SEMA7A: variants seen among roughly 807,000 people sequenced by gnomAD.
SEMA7A encodes the protein semaphorin 7A (JohnMiltonHagen blood group), also known as semaphorin-7A.
In SEMA7A, 21 loss-of-function variants were observed where a neutral mutation model predicts 67.5. That is an observed-to-expected ratio of 0.31 (90% CI 0.22 to 0.45). The LOEUF is 0.45. SEMA7A is among the 20% of genes least tolerant of loss of function. The pLI, the probability that SEMA7A is intolerant of heterozygous loss-of-function variation, is 1.00. For missense variants in SEMA7A, 774 were observed against 908.6 expected (o/e 0.85, Z 1.90); for synonymous variants, 364 against 368.5 (o/e 0.99, Z 0.14).
chr15:74,419,630 G>A (rs1436284795), intron 1 of SEMA7A, among the ~76,000 whole-genome samples: 3 of 152,184 alleles, frequency 2.0e-5, no homozygotes, highest in Admixed American at 6.5e-5. Context: ...AAGGGCACAC[G>A]GAAGCAGGTC....
rs767182010 is a variant in SEMA7A, at chr15:74,418,379, G to A, written c.331-70C>T. On this transcript the variant is annotated intron_variant, in intron 2 of 13. Coordinates refer to ENST00000261918, the MANE Select transcript of SEMA7A (RefSeq NM_003612.5). Reference sequence around the variant, plus strand: ...GTACCCCTGAAATGCTTTCCACACAGCCTCAGGATAAGCCCCAAAGGAAGC... The same window carrying A: ...GTACCCCTGAAATGCTTTCCACACAACCTCAGGATAAGCCCCAAAGGAAGC... 2.0e-6 allele frequency: 3 copies of A among 1,473,938 alleles called. 1 individual carries two copies. The highest frequency in any genetic ancestry group is 1.8e-5 in the Admixed American group (1 of 54,746). The allele number at this position is 1,473,938 out of a possible 1,614,324, so 91.3% of individuals were successfully genotyped here.
intron 1 of SEMA7A, among the ~76,000 whole-genome samples, chr15:74,426,668 C>T (rs28362884): frequency 0.097 from 14,815 of 152,040 alleles, 1,664 homozygotes; most frequent in African/African-American, 0.28. Context: ...CCCAGCACTT[C>T]GGGAGACCAA....
intron 1 of SEMA7A, 95 bp downstream of exon 1, chr15:74,433,646 C>A: frequency 7.6e-7 from 1 of 1,309,000 alleles, no homozygotes; most frequent in Non-Finnish European, 9.7e-7. Context: ...ACCCGCAGAG[C>A]TGCGCGCACG....
intron 3 of SEMA7A, 71 bp downstream of exon 3, chr15:74,418,197 C>T (rs1439854557): frequency 4.0e-6 from 6 of 1,483,342 alleles, no homozygotes; most frequent in East Asian, 2.3e-5. Flanking sequence ...TGCTTCCTTC[C>T]TTAGACCCTC....
chr15:74,424,884 T>C (rs1307675912), intron 1 of SEMA7A, among the ~76,000 whole-genome samples: 1 of 152,224 alleles, frequency 6.6e-6, no homozygotes, highest in Non-Finnish European at 1.5e-5. Context: ...AAGTCGCTGG[T>C]GGCTCCTTCA....
chr15:74,419,238 G>C (rs560347032), intron 1 of SEMA7A, among the ~76,000 whole-genome samples: 6 of 152,250 alleles, frequency 3.9e-5, no homozygotes, highest in Admixed American at 3.3e-4. Context: ...TCTCAGAGTG[G>C]GGAAGGATTT....
chr15:74,417,506 G>T, intron 5 of SEMA7A, 61 bp from the exon 6 acceptor site: 4 of 1,584,122 alleles, frequency 2.5e-6, no homozygotes, highest in Non-Finnish European at 3.5e-6. Flanking sequence ...TCCCTCCTCC[G>T]GACACTGGAC....
At chr15:74,432,569 C>T (rs1033646673) in intron 1 of SEMA7A, among the ~76,000 whole-genome samples, 7 of 152,200 alleles carry the variant, frequency 4.6e-5, no homozygotes, top group African/African-American at 1.7e-4. Context: ...TCAGCTACTG[C>T]GGCAGTTCGG....
In SEMA7A at chr15:74,415,275, C is replaced by A. The variant is rs537510597; in HGVS notation, c.987-329G>T. Among the ~76,000 whole-genome samples the A allele has an allele frequency of 3.3e-5, 5 of 152,144 alleles. No individual in the cohort carries two copies. In the East Asian group the frequency reaches 9.7e-4, roughly 30 times the overall value. On this transcript the variant is annotated intron_variant, in intron 8 of 13. Transcript: ENST00000261918. ...GGTGCTGATGCCCCAGGAGGCCAGA[C>A]CCCCAACCCCTTCCCAGCCTGGGGG... is the stretch of plus-strand genomic sequence containing the variant.
chr15:74,412,135 C>A, intron 10 of SEMA7A, 123 bp from the exon 11 acceptor site: 1 of 1,200,658 alleles, frequency 8.3e-7, no homozygotes, highest in Non-Finnish European at 1.2e-6. Context: ...CTGGTGTGGG[C>A]AGGGCGAGGA....
rs919173883 is a variant in SEMA7A at position 74,427,355 on chromosome 15, T to A, written c.178+6386A>T. The A allele has an allele frequency of 3.0e-6, 3 of 985,254 alleles. No homozygotes were observed. The African/African-American group carries it at 5.2e-5, about 17-fold the overall frequency. 61.0% of individuals were successfully genotyped at this position (985,254 alleles called of 1,614,324 possible). A position where few individuals can be genotyped will look rare whatever the true frequency, so the allele number is the denominator to read the frequency against. ...AACTCCCATGCCAGAGGGACAGGTA[T>A]CTTAGAACAGATTCCTGGGCCACCA... On this transcript the variant is annotated intron_variant, in intron 1 of 13. Coordinates refer to ENST00000261918, the MANE Select transcript of SEMA7A (RefSeq NM_003612.5).
chr15:74,410,864 G>A lies in SEMA7A; in HGVS notation c.1761C>T (p.Cys587=), dbSNP rs200580001. ...AGTTGGGGCTCTGGTGACCAGGTTC[G>A]CAGCTCTGCTCCACGTTCTCCTTGT... is the stretch of plus-strand genomic sequence containing the variant. The part of the protein sequence containing the change: ...WRHKENVEQS[C]EPGHQSPNCI... The change falls in exon 14 of 14, where the codon TGC becomes TGT. Residue 587 remains cysteine, a synonymous_variant. Transcript: ENST00000261918. The surrounding 1 kb of genome is among the most constrained non-coding windows in gnomAD (Gnocchi z 7.5). The A allele has an allele frequency of 5.0e-6, 8 of 1,614,202 alleles. No homozygotes were observed. In the East Asian group the frequency reaches 6.7e-5, roughly 13 times the overall value.
At chr15:74,429,549 C>T (rs948678071) in intron 1 of SEMA7A, among the ~76,000 whole-genome samples, 1 of 152,222 alleles carries the variant, frequency 6.6e-6, no homozygotes, top group Non-Finnish European at 1.5e-5. Flanking sequence ...AAGCCATGGT[C>T]TCCCTGGACC....
chr15:74,418,827 C>G lies in SEMA7A; in HGVS notation c.304G>C (p.Glu102Gln), dbSNP rs144512279. 16 of 1,613,730 alleles carry G rather than the reference C, an allele frequency of 9.9e-6. No individual in the cohort carries two copies. Among genetic ancestry groups the G allele is most frequent in the Non-Finnish European group, 1.3e-5 (15 of 1,179,980 alleles). Residue 102 changes from glutamate (E) to glutamine (Q), a missense_variant, in exon 2 of 14, where the codon GAG becomes CAG. Transcript: ENST00000261918. Reference sequence around the variant, plus strand: ...GTGCGCACAGATGCGTTCTTGCCCTCGGGGAAGTCAAAGAGGTAGACCTTG... The same window carrying G: ...GTGCGCACAGATGCGTTCTTGCCCTGGGGGAAGTCAAAGAGGTAGACCTTG... The part of the protein sequence containing the change: ...RGKVYLFDFP[E>Q]GKNASVRTVN...
chr15:74,422,321 C>G (rs893974856), intron 1 of SEMA7A, among the ~76,000 whole-genome samples: 9 of 151,890 alleles, frequency 5.9e-5, no homozygotes, highest in African/African-American at 9.7e-5. Context: ...CCGTGTCCCC[C>G]CCTCACTCCC....
chr15:74,419,379 G>A (rs1010866299), intron 1 of SEMA7A, among the ~76,000 whole-genome samples: 1 of 152,064 alleles, frequency 6.6e-6, no homozygotes, highest in African/African-American at 2.4e-5. Context: ...AGCAAGCAGC[G>A]CCCCCCAACC....
At chr15:74,416,106 G>A (rs1253055018) in intron 7 of SEMA7A, 121 bp from the exon 8 acceptor site, 8 of 1,049,184 alleles carry the variant, frequency 7.6e-6, no homozygotes, top group Non-Finnish European at 1.4e-6. Flanking sequence ...AGGCTGTGAG[G>A]GGCCAGGACC....
chr15:74,417,162 T>G, intron 6 of SEMA7A, among the ~76,000 whole-genome samples, 173 bp downstream of exon 6: 1 of 152,168 alleles, frequency 6.6e-6, no homozygotes, highest in East Asian at 1.9e-4. Flanking sequence ...ATACCTTGTC[T>G]GTTCCTCTGC....
intron 3 of SEMA7A, 140 bp from the exon 4 acceptor site, chr15:74,418,109 GTGTGTGCA>G: frequency 8.6e-7 from 1 of 1,160,700 alleles, no homozygotes; most frequent in Non-Finnish European, 1.3e-6. Context: ...ACAGCCCAGA[GTGTGTGCA>G]GCTGACGCCA....
Sources: gnomAD v4.1 joint callset for allele counts (sites outside exome capture counted in the v4.1 genomes callset) on GRCh38, gnomAD v4.1.1 for gene constraint, Gnocchi (gnomAD v3.1) non-coding constraint, MANE v1.5 for transcripts, NCBI Gene and HGNC (gene_info 2026-07-23, HGNC 2026-07-21) for gene names.